Variants in TMEM236 observed in about 807,000 individuals in gnomAD.
TMEM236 encodes family with sequence similarity 23, member A.
TMEM236 carries 11 observed loss-of-function variants against 14.7 expected under a neutral mutation model. The observed-to-expected ratio is 0.75, with a 90% CI of 0.47 to 1.24. The LOEUF (loss-of-function observed/expected upper bound fraction) is 1.24, where lower values mean the gene tolerates loss of function less well. Among genes scored for constraint, TMEM236 ranks in the 50% most tolerant of loss-of-function variants. The pLI, the probability that TMEM236 is intolerant of heterozygous loss-of-function variation, is 0.00. For missense variants in TMEM236, 464 were observed against 427.3 expected, an observed-to-expected ratio of 1.09 and a Z score of -0.76; for synonymous variants, 182 against 168.6, an observed-to-expected ratio of 1.08 and a Z score of -0.62.
intron 1 of TMEM236, among the ~76,000 whole-genome samples, chr10:17,767,200 C>T (rs1356009992): frequency 1.3e-5 from 2 of 152,132 alleles, no homozygotes; most frequent in African/African-American, 4.8e-5. Context: ...TGGTGGCTCA[C>T]GCCTGTAATC....
At chr10:17,793,603 C>G (rs1259453490) in intron 3 of TMEM236, among the ~76,000 whole-genome samples, 1 of 152,140 alleles carries the variant, frequency 6.6e-6, no homozygotes, top group East Asian at 1.9e-4. Context: ...CATGCCTCAG[C>G]CACCAGAGTA....
rs988510097 is a variant in TMEM236 at position 17,755,660 on chromosome 10, G to T, written c.257+3108G>T. Among the ~76,000 whole-genome samples the T allele has an allele frequency of 2.0e-5, 3 of 152,250 alleles. No homozygotes were observed. The East Asian group carries it at 5.8e-4, about 29-fold the overall frequency. Reference sequence around the variant, plus strand: ...ACCCTCCACCTCTCACACCCTGTAGGGGTGGCTTTGACTGTCCAAGATTCC... The same window carrying T: ...ACCCTCCACCTCTCACACCCTGTAGTGGTGGCTTTGACTGTCCAAGATTCC... On this transcript the variant is annotated intron_variant, in intron 1 of 3. Transcript: ENST00000377495.
At chr10:17,778,132 C>T (rs982659867) in intron 3 of TMEM236, among the ~76,000 whole-genome samples, 135 of 152,166 alleles carry the variant, frequency 8.9e-4, no homozygotes, top group Non-Finnish European at 1.5e-3. Context: ...AGAAGTAGAT[C>T]TGGGGGAGAA....
intron 3 of TMEM236, among the ~76,000 whole-genome samples, chr10:17,793,506 A>G (rs1021913351): frequency 1.3e-5 from 2 of 152,112 alleles, no homozygotes; most frequent in East Asian, 3.9e-4. Context: ...ATTTTTTGAG[A>G]TGGAGTCTCA....
intron 1 of TMEM236, among the ~76,000 whole-genome samples, chr10:17,752,756 G>C (rs923587562): frequency 6.6e-6 from 1 of 151,890 alleles, no homozygotes; most frequent in African/African-American, 2.4e-5. Context: ...TAGTAGAGAC[G>C]GGTTTTTGCC....
Position 17,796,187 on chromosome 10 carries a change from G to A in TMEM236, c.739G>A (p.Asp247Asn). 1.2e-6 allele frequency: 2 copies of A among 1,613,994 alleles called. No individual in the cohort carries two copies. Among genetic ancestry groups the A allele is most frequent in the Non-Finnish European group, 1.7e-6 (2 of 1,179,876 alleles). ...LFLWSFLLWS[D>N]TIEMVRVAGH... is the part of the protein sequence containing the mutation. ...CTTATGGAGCTTTCTCCTGTGGTCT[G>A]ACACGATAGAAATGGTGCGTGTGGC... The change falls in exon 4 of 4, where the codon GAC (aspartate) becomes AAC (asparagine). Residue 247 changes from aspartate (D) to asparagine (N), a missense_variant. By Grantham distance (23) the Asp-to-Asn change is conservative. Transcript: ENST00000377495.
chr10:17,771,196 C>T, intron 1 of TMEM236, 113 bp from the exon 2 acceptor site: 1 of 973,792 alleles, frequency 1.0e-6, no homozygotes, highest in Non-Finnish European at 1.7e-6. Flanking sequence ...GAAGCAGCAG[C>T]TTCTTAGAAA....
chr10:17,795,712 C>T (rs970103282), intron 3 of TMEM236, among the ~76,000 whole-genome samples: 26,470 of 152,076 alleles, frequency 0.17, 2,973 homozygotes, highest in Non-Finnish European at 0.24. Flanking sequence ...AGGTGCAGCA[C>T]GCCACCATGG....
chr10:17,776,000 A>T lies in TMEM236; in HGVS notation c.331-29A>T, dbSNP rs936274551. 6.5e-5 allele frequency: 105 copies of T among 1,613,296 alleles called. 1 individual carries two copies. In the Middle Eastern group the frequency reaches 6.6e-4, roughly 10 times the overall value. On this transcript the variant is annotated intron_variant, in intron 2 of 3. Transcript: ENST00000377495. ...TTGAGCAAAGAAAGCACAATAATTT[A>T]ATGCTTGTAAATGGTTTTCTCTAAA...
At chr10:17,754,437 A>C (rs1472607233) in intron 1 of TMEM236, among the ~76,000 whole-genome samples, 4 of 151,810 alleles carry the variant, frequency 2.6e-5, no homozygotes, top group Non-Finnish European at 5.9e-5. Context: ...TGATCCTCCT[A>C]CCTCGACCTC....
chr10:17,785,092 G>A (rs1018697561), intron 3 of TMEM236, among the ~76,000 whole-genome samples: 1 of 152,326 alleles, frequency 6.6e-6, no homozygotes, highest in Admixed American at 6.5e-5. Context: ...TTCTTTCTGA[G>A]TTATTTCTTC....
chr10:17,796,543 T>C lies in TMEM236; in HGVS notation c.*39T>C. 7 of 1,495,874 alleles carry C rather than the reference T, an allele frequency of 4.7e-6. No homozygotes were observed. The highest frequency in any genetic ancestry group is 6.5e-6 in the Non-Finnish European group (7 of 1,072,878). 92.7% of individuals were successfully genotyped at this position (1,495,874 alleles called of 1,614,324 possible). ...TCTAGTAAGGCCTCTTTGTGATACC[T>C]GTGTGCACATTTGTAATCCTTCTTT... On this transcript the variant is annotated 3_prime_UTR_variant, in exon 4 of 4. Coordinates refer to ENST00000377495, the MANE Select transcript of TMEM236 (RefSeq NM_001098844.3).
At chr10:17,786,447 C>T (rs1181299896) in intron 3 of TMEM236, among the ~76,000 whole-genome samples, 9 of 152,212 alleles carry the variant, frequency 5.9e-5, no homozygotes, top group Admixed American at 5.9e-4. Flanking sequence ...CAGCCTCGAC[C>T]TCCTGAGCTC....
intron 1 of TMEM236, among the ~76,000 whole-genome samples, chr10:17,759,915 G>T (rs992484113): frequency 6.7e-6 from 1 of 149,128 alleles, no homozygotes; most frequent in Non-Finnish European, 1.5e-5. Context: ...CCCGGGAGGC[G>T]GAGCTTGCAG....
At chr10:17,768,096 T>TTTTTTTTTTTTTTTC (rs1837503027) in intron 1 of TMEM236, among the ~76,000 whole-genome samples, 1 of 139,726 alleles carries the variant, frequency 7.2e-6, no homozygotes, top group African/African-American at 2.8e-5. Flanking sequence ...GTTTTTTTTT[T>TTTTTTTTTTTTTTTC]TTTTTTTTTT....
At position 17,757,067 on chromosome 10, in the gene TMEM236, T is replaced by A. The variant is rs910035681; in HGVS notation, c.257+4515T>A. On this transcript the variant is annotated intron_variant, in intron 1 of 3. Transcript: ENST00000377495. ...GTTTAGACAGTGGACAGGTTATCTG[T>A]AATTTCAGTGAAACTGAAACTGTTT... Among the ~76,000 whole-genome samples, 60 of 152,326 alleles carry A rather than the reference T, an allele frequency of 3.9e-4. 1 individual carries two copies. Among genetic ancestry groups the A allele is most frequent in the African/African-American group, 1.4e-3 (58 of 41,570 alleles).
In TMEM236 at chr10:17,798,528, C is replaced by T. The variant is rs1838050434; in HGVS notation, c.*2024C>T. On this transcript the variant is annotated 3_prime_UTR_variant, in exon 4 of 4. Transcript: ENST00000377495. ...CACTCCAGACTGGGCAACAGAGTGA[C>T]ACCCATCTAAAAAAAATAAAAGAGA... 5.6e-6 allele frequency: 3 copies of T among 533,572 alleles called. No homozygotes were observed. Among genetic ancestry groups the T allele is most frequent in the Non-Finnish European group, 1.2e-5 (3 of 259,554 alleles). 33.1% of individuals were successfully genotyped at this position (533,572 alleles called of 1,614,324 possible).
At chr10:17,777,170 T>C (rs1837670256) in intron 3 of TMEM236, among the ~76,000 whole-genome samples, 2 of 152,152 alleles carry the variant, frequency 1.3e-5, no homozygotes, top group South Asian at 2.1e-4. Context: ...GCTGCTCAGA[T>C]GGAAAGCAAA....
rs949383613 is a variant in TMEM236 at position 17,755,760 on chromosome 10, C to T, written c.257+3208C>T. Among the ~76,000 whole-genome samples the T allele has an allele frequency of 6.5e-3, 983 of 152,230 alleles. 8 individuals carry two copies. The highest frequency in any genetic ancestry group is 0.01 in the Non-Finnish European group (686 of 68,012). On this transcript the variant is annotated intron_variant, in intron 1 of 3. Transcript: ENST00000377495. ...GGAATAAACCAATGGGAAACTGGCC[C>T]ACCACAGCCCAGGAAGAAGCTCTTG...
Sources: allele counts gnomAD v4.1 joint callset (sites outside exome capture counted in the v4.1 genomes callset), GRCh38; gene constraint gnomAD v4.1.1; transcripts MANE v1.5; gene names NCBI Gene and HGNC (gene_info 2026-07-23, HGNC 2026-07-21).